The following SOX5 variants were observed in gnomAD, a reference collection of about 807,000 sequenced individuals.
SOX5 encodes the protein SRY-box transcription factor 5.
A neutral mutation model predicts 92.0 loss-of-function variants in SOX5; 9 were observed. The observed-to-expected ratio is 0.10, with a 90% CI of 0.06 to 0.17. The LOEUF (loss-of-function observed/expected upper bound fraction) is 0.17. Among genes scored for constraint, SOX5 ranks in the 10% least tolerant of loss-of-function variants. The pLI is 1.00. For missense variants in SOX5, 642 were observed against 944.5 expected, an observed-to-expected ratio of 0.68 and a Z score of 4.20; for synonymous variants, 344 against 336.3, an observed-to-expected ratio of 1.02 and a Z score of -0.25.
intron 4 of SOX5, among the ~76,000 whole-genome samples, chr12:24,176,188 G>C (rs1257247700): frequency 6.6e-6 from 1 of 152,056 alleles, no homozygotes; most frequent in Admixed American, 6.6e-5. Context: ...AATTAGCTGG[G>C]TGTGGTGGTG....
intron 3 of SOX5, among the ~76,000 whole-genome samples, chr12:23,770,687 A>G (rs554728417): frequency 5.6e-4 from 86 of 152,330 alleles, no homozygotes; most frequent in African/African-American, 2.0e-3. Flanking sequence ...CTGTCATCCC[A>G]TCAGTAAGCA....
chr12:24,462,374 T>C (rs1307302847), intron 1 of SOX5, among the ~76,000 whole-genome samples: 1 of 152,228 alleles, frequency 6.6e-6, no homozygotes, highest in Non-Finnish European at 1.5e-5. Context: ...AACGTCATTA[T>C]GCAGTATATG....
chr12:23,964,956 A>G (rs547663834), intron 4 of SOX5, among the ~76,000 whole-genome samples: 1 of 152,290 alleles, frequency 6.6e-6, no homozygotes, highest in East Asian at 1.9e-4. Flanking sequence ...CCAGTAGGGG[A>G]GCAGACCTGG....
intron 4 of SOX5, among the ~76,000 whole-genome samples, chr12:23,993,593 C>T (rs776316577): frequency 6.6e-6 from 1 of 152,156 alleles, no homozygotes; most frequent in Non-Finnish European, 1.5e-5. Context: ...CCCCAACATA[C>T]TCCTCCATTG....
intron 1 of SOX5, among the ~76,000 whole-genome samples, chr12:24,441,338 C>T (rs1305642450): frequency 2.6e-5 from 4 of 152,132 alleles, no homozygotes; most frequent in Non-Finnish European, 5.9e-5. Flanking sequence ...CTACGGTCCA[C>T]CTAATCTTAT....
intron 4 of SOX5, among the ~76,000 whole-genome samples, chr12:24,163,819 C>G (rs1490219989): frequency 1.3e-5 from 2 of 152,030 alleles, no homozygotes; most frequent in Non-Finnish European, 2.9e-5. Context: ...CTCTTTCTCT[C>G]TGTCTTTGCC....
At chr12:23,682,528 G>A (rs2086788994) in intron 6 of SOX5, among the ~76,000 whole-genome samples, 1 of 151,774 alleles carries the variant, frequency 6.6e-6, no homozygotes, top group African/African-American at 2.4e-5. Flanking sequence ...GCAGGAATTA[G>A]AGGTTATTTA....
chr12:24,085,342 T>C (rs974588667), intron 4 of SOX5, among the ~76,000 whole-genome samples: 2 of 152,066 alleles, frequency 1.3e-5, no homozygotes, highest in African/African-American at 4.8e-5. Context: ...CTATCTCAGT[T>C]CATTCTCACC....
chr12:24,167,535 A>G (rs1953559332), intron 4 of SOX5, among the ~76,000 whole-genome samples: 1 of 152,132 alleles, frequency 6.6e-6, no homozygotes. Flanking sequence ...ATGTGATGTT[A>G]ATGTGTCCCC....
intron 9 of SOX5, chr12:23,584,686 G>T: frequency 9.9e-7 from 1 of 1,009,848 alleles, no homozygotes; most frequent in Non-Finnish European, 1.5e-6. Flanking sequence ...ATGAGTGAAG[G>T]CCAAATTGTC....
intron 4 of SOX5, among the ~76,000 whole-genome samples, chr12:23,986,831 A>AT (rs1950106513): frequency 6.8e-6 from 1 of 148,060 alleles, no homozygotes; most frequent in Non-Finnish European, 1.5e-5. Flanking sequence ...TGTTTTATAG[A>AT]TTTTATCAAA....
intron 4 of SOX5, among the ~76,000 whole-genome samples, chr12:24,056,503 C>T (rs1318425066): frequency 6.6e-6 from 1 of 152,120 alleles, no homozygotes; most frequent in Non-Finnish European, 1.5e-5. Flanking sequence ...TCCATGGTTG[C>T]TCTATTTCTC....
intron 4 of SOX5, among the ~76,000 whole-genome samples, chr12:24,083,659 C>A (rs1224264077): frequency 6.6e-6 from 1 of 151,936 alleles, no homozygotes; most frequent in African/African-American, 2.4e-5. Flanking sequence ...TGAAAAGCAT[C>A]GTGCTAAATT....
chr12:24,411,771 C>CT (rs1179992322), intron 1 of SOX5, among the ~76,000 whole-genome samples: 1 of 151,886 alleles, frequency 6.6e-6, no homozygotes, highest in African/African-American at 2.4e-5. Context: ...GGTCTCATTT[C>CT]TTTTTTTGTA....
chr12:24,092,344 G>A (rs1944756772), intron 4 of SOX5, among the ~76,000 whole-genome samples: 1 of 151,834 alleles, frequency 6.6e-6, no homozygotes, highest in African/African-American at 2.4e-5. Flanking sequence ...CTACTTTAAA[G>A]ATCCCACAAA....
intron 4 of SOX5, among the ~76,000 whole-genome samples, chr12:24,080,236 AC>A (rs547653615): frequency 9.7e-4 from 147 of 152,112 alleles, no homozygotes; most frequent in African/African-American, 3.3e-3. Context: ...TTAGTCAGAA[AC>A]AGTATTAATA....
chr12:24,311,241 A>G (rs1031623794), intron 2 of SOX5, among the ~76,000 whole-genome samples: 2 of 152,184 alleles, frequency 1.3e-5, no homozygotes, highest in Non-Finnish European at 2.9e-5. Context: ...TCATACTTCT[A>G]TTGTCCAATC....
rs769314928 is a variant in SOX5 at position 23,575,709 on chromosome 12, A to T, written c.1294T>A (p.Ser432Thr). Residue 432 changes from serine (S) to threonine (T), a missense_variant, in exon 10 of 15, where the codon TCT (serine) becomes ACT (threonine). Ser to Thr is a moderately conservative substitution (Grantham distance 58, BLOSUM62 1). This residue lies in a region of SOX5 where 324 missense variants were observed against 461.6 expected (regional missense o/e 0.70). Coordinates refer to ENST00000451604, the MANE Select transcript of SOX5 (RefSeq NM_006940.6). Reference sequence around the variant, plus strand: ...GGACTAGCTAACGCTGCTGGGACAGAGGCTTTGAGGGGGCCTGCCCCACTG... The same window carrying T: ...GGACTAGCTAACGCTGCTGGGACAGTGGCTTTGAGGGGGCCTGCCCCACTG... Reference protein sequence around the residue: ...INSGAGPLKASVPAALASPSA... With the variant: ...INSGAGPLKATVPAALASPSA... The T allele has an allele frequency of 6.2e-7, 1 of 1,614,176 alleles. No individual in the cohort carries two copies. The highest frequency in any genetic ancestry group is 1.3e-5 in the African/African-American group (1 of 75,056).
At chr12:23,773,320 G>C (rs1261001740) in intron 3 of SOX5, among the ~76,000 whole-genome samples, 1 of 152,128 alleles carries the variant, frequency 6.6e-6, no homozygotes, top group Non-Finnish European at 1.5e-5. Flanking sequence ...AAACCAAACT[G>C]TAAAACTGTA....
Sources: allele counts gnomAD v4.1 joint callset (sites outside exome capture counted in the v4.1 genomes callset), GRCh38; gene constraint gnomAD v4.1.1; regional missense constraint gnomAD v4.1.1; transcripts MANE v1.5; gene names NCBI Gene and HGNC (gene_info 2026-07-23, HGNC 2026-07-21).